The following LRP1B variants were observed in gnomAD, a reference collection of about 807,000 sequenced individuals.
LRP1B encodes the protein LDL receptor related protein 1B, also known as low-density lipoprotein receptor-related protein 1B.
Under a neutral mutation model 556.6 loss-of-function variants are expected in LRP1B, and 217 were observed. That is an observed-to-expected ratio of 0.39 (90% confidence interval 0.35 to 0.44). The LOEUF (loss-of-function observed/expected upper bound fraction) is 0.44. Ranked by LOEUF, LRP1B falls within the 20% of genes least tolerant of loss-of-function variation. The probability of loss-of-function intolerance (pLI) is 1.00; values close to 1 mark genes in which losing one functional copy is unlikely to be tolerated. For missense variants in LRP1B, 5,053 were observed against 5,620.8 expected, an observed-to-expected ratio of 0.90 and a Z score of 3.23; for synonymous variants, 2,047 against 1,865.8, an observed-to-expected ratio of 1.10 and a Z score of -2.50.
chr2:142,003,931 C>T (rs1702730148), intron 1 of LRP1B, among the ~76,000 whole-genome samples: 1 of 152,188 alleles, frequency 6.6e-6, no homozygotes, highest in African/African-American at 2.4e-5. Flanking sequence ...AGCTTAGTTT[C>T]CTCTGCTGGT....
At position 141,879,004 on chromosome 2, in the gene LRP1B, G is replaced by A. The variant is rs186135950; in HGVS notation, c.83-68603C>T. Among the ~76,000 whole-genome samples the A allele has an allele frequency of 2.5e-3, 380 of 151,766 alleles. 2 individuals are homozygous for A. Among genetic ancestry groups the A allele is most frequent in the Middle Eastern group, 6.8e-3 (2 of 292 alleles). ...GAGGGGAATATTTACATAAATATAC[G>A]TAACTAAGATATTTGTTTCTGAATT... On this transcript the variant is annotated intron_variant, in intron 1 of 90. Coordinates refer to ENST00000389484, the MANE Select transcript of LRP1B (RefSeq NM_018557.3).
chr2:140,651,990 G>A (rs1684705566), intron 41 of LRP1B, among the ~76,000 whole-genome samples: 1 of 151,794 alleles, frequency 6.6e-6, no homozygotes, highest in Non-Finnish European at 1.5e-5. Context: ...AAGCACAAGA[G>A]AATATATTAG....
intron 57 of LRP1B, among the ~76,000 whole-genome samples, chr2:140,492,378 G>A (rs1688738139): frequency 6.6e-6 from 1 of 152,092 alleles, no homozygotes. Context: ...CTTAATTTTG[G>A]CACACTTGTT....
intron 2 of LRP1B, among the ~76,000 whole-genome samples, chr2:141,548,988 T>C (rs1452667592): frequency 6.6e-6 from 1 of 152,152 alleles, no homozygotes; most frequent in African/African-American, 2.4e-5. Context: ...AGATATACAG[T>C]TATCTACTAC....
chr2:141,923,180 T>G (rs1700233845), intron 1 of LRP1B, among the ~76,000 whole-genome samples: 1 of 151,694 alleles, frequency 6.6e-6, no homozygotes, highest in Non-Finnish European at 1.5e-5. Context: ...GTTAAAAAAT[T>G]AGGCATGTAC....
At chr2:140,998,475 C>T (rs554345501) in intron 15 of LRP1B, among the ~76,000 whole-genome samples, 1 of 151,904 alleles carries the variant, frequency 6.6e-6, no homozygotes, top group Admixed American at 6.6e-5. Flanking sequence ...ATAAAGTTTG[C>T]TTGGTAATTG....
At chr2:141,674,524 T>C (rs1452234344) in intron 2 of LRP1B, among the ~76,000 whole-genome samples, 3 of 152,064 alleles carry the variant, frequency 2.0e-5, no homozygotes, top group Non-Finnish European at 4.4e-5. Context: ...AAGCTATTCC[T>C]TCACACTGGA....
intron 3 of LRP1B, among the ~76,000 whole-genome samples, chr2:141,275,094 T>C (rs998677086): frequency 2.0e-5 from 3 of 152,184 alleles, no homozygotes. Flanking sequence ...CCCAGGAGGC[T>C]GGTAAAAGGA....
At chr2:141,203,100 G>C (rs1487174201) in intron 6 of LRP1B, among the ~76,000 whole-genome samples, 1 of 152,102 alleles carries the variant, frequency 6.6e-6, no homozygotes, top group Non-Finnish European at 1.5e-5. Flanking sequence ...AAATTGTAAA[G>C]AACATCAACA....
intron 1 of LRP1B, among the ~76,000 whole-genome samples, chr2:141,927,940 A>C (rs1343484026): frequency 7.9e-5 from 12 of 151,692 alleles, no homozygotes; most frequent in South Asian, 2.1e-4. Flanking sequence ...AAAGAAAAAA[A>C]AAAACAAAAC....
At chr2:141,120,493 A>C (rs1027642613) in intron 7 of LRP1B, among the ~76,000 whole-genome samples, 1 of 151,972 alleles carries the variant, frequency 6.6e-6, no homozygotes, top group Non-Finnish European at 1.5e-5. Flanking sequence ...TTTCAATGCA[A>C]AAATTCTATC....
rs1349530680 is a variant in LRP1B, at chr2:140,231,818, A to G, written c.*1368T>C. 6.6e-6 allele frequency: 1 copy of G among 151,814 alleles called. No individual in the cohort carries two copies. Among genetic ancestry groups the G allele is most frequent in the Non-Finnish European group, 1.5e-5 (1 of 67,584 alleles). 9.4% of individuals were successfully genotyped at this position (151,814 alleles called of 1,614,324 possible). A position where few individuals can be genotyped will look rare whatever the true frequency, so the allele number is the denominator to read the frequency against. On this transcript the variant is annotated 3_prime_UTR_variant, in exon 91 of 91. Coordinates refer to ENST00000389484, the MANE Select transcript of LRP1B (RefSeq NM_018557.3). ...TAATACATTATGACAGCTAAAAGTCAGTCATGTCTATCAGAGGAACAAAAA... is the reference window on the plus strand; with the variant it reads ...TAATACATTATGACAGCTAAAAGTCGGTCATGTCTATCAGAGGAACAAAAA...
intron 5 of LRP1B, among the ~76,000 whole-genome samples, chr2:141,232,100 C>T (rs1683494033): frequency 1.3e-5 from 2 of 152,184 alleles, no homozygotes; most frequent in Admixed American, 1.3e-4. Flanking sequence ...TAGTCAGTTT[C>T]TCTCCTAACC....
intron 3 of LRP1B, among the ~76,000 whole-genome samples, chr2:141,287,220 T>G (rs1685754092): frequency 6.6e-6 from 1 of 152,182 alleles, no homozygotes; most frequent in Non-Finnish European, 1.5e-5. Flanking sequence ...ATTATTTCAG[T>G]TCTTCTCATT....
intron 2 of LRP1B, among the ~76,000 whole-genome samples, chr2:141,772,454 TC>T (rs1694931650): frequency 6.6e-6 from 1 of 152,124 alleles, no homozygotes; most frequent in South Asian, 2.1e-4. Flanking sequence ...CATTCCCTGA[TC>T]CACAGCATCA....
chr2:141,571,290 C>T (rs546294487), intron 2 of LRP1B, among the ~76,000 whole-genome samples: 1 of 150,698 alleles, frequency 6.6e-6, no homozygotes. Flanking sequence ...TGAAGTGAAC[C>T]CCCAGCAAAC....
At chr2:140,951,309 C>T (rs538060855) in intron 19 of LRP1B, among the ~76,000 whole-genome samples, 2 of 151,816 alleles carry the variant, frequency 1.3e-5, no homozygotes, top group Admixed American at 6.6e-5. Flanking sequence ...ACAACCATTT[C>T]GGGAGGGAGG....
intron 23 of LRP1B, among the ~76,000 whole-genome samples, chr2:140,893,428 T>C (rs1693857690): frequency 6.6e-6 from 1 of 152,180 alleles, no homozygotes; most frequent in African/African-American, 2.4e-5. Context: ...ATAAACTGCC[T>C]GGGTCTTTGC....
chr2:142,117,948 G>T (rs1707330417), intron 1 of LRP1B, among the ~76,000 whole-genome samples: 1 of 152,082 alleles, frequency 6.6e-6, no homozygotes, highest in Non-Finnish European at 1.5e-5. Context: ...AAATATGTCT[G>T]AGTGCCATTG....
Sources: gnomAD v4.1 joint callset for allele counts (sites outside exome capture counted in the v4.1 genomes callset) on GRCh38, gnomAD v4.1.1 for gene constraint, MANE v1.5 for transcripts, NCBI Gene and HGNC (gene_info 2026-07-23, HGNC 2026-07-21) for gene names.